The following MALRD1 variants were observed in gnomAD, a reference collection of about 807,000 sequenced individuals.
The protein encoded by MALRD1 is MAM and LDL receptor class A domain containing 1.
MALRD1 carries 247 observed loss-of-function variants against 242.1 expected under a neutral mutation model. The ratio of observed to expected loss-of-function variants is 1.02; its 90% CI spans 0.92 to 1.13. MALRD1 has a LOEUF of 1.13. Ranked by LOEUF, MALRD1 falls within the 50% of genes most tolerant of loss-of-function variation. The pLI is 0.00. For synonymous variants in MALRD1, 995 were observed against 866.6 expected, an observed-to-expected ratio of 1.15 and a Z score of -2.60; for missense variants, 2,989 against 2,533.1, an observed-to-expected ratio of 1.18 and a Z score of -3.86.
intron 28 of MALRD1, among the ~76,000 whole-genome samples, chr10:19,442,472 T>C (rs1417832766): frequency 6.6e-6 from 1 of 152,198 alleles, no homozygotes; most frequent in Non-Finnish European, 1.5e-5. Context: ...AAACAGCTCT[T>C]ATTATTTTGA....
intron 28 of MALRD1, among the ~76,000 whole-genome samples, chr10:19,438,540 A>G (rs1834453789): frequency 6.6e-6 from 1 of 152,214 alleles, no homozygotes; most frequent in Non-Finnish European, 1.5e-5. Flanking sequence ...GATGGATCAC[A>G]TAGTAATTCC....
At chr10:19,498,931 G>A (rs1449433689) in intron 31 of MALRD1, among the ~76,000 whole-genome samples, 2 of 152,064 alleles carry the variant, frequency 1.3e-5, no homozygotes, top group African/African-American at 4.8e-5. Context: ...ATTGGAGGAG[G>A]GTAGGTGGGT....
intron 18 of MALRD1, among the ~76,000 whole-genome samples, chr10:19,248,148 A>G (rs1839144136): frequency 6.6e-6 from 1 of 152,086 alleles, no homozygotes; most frequent in Non-Finnish European, 1.5e-5. Flanking sequence ...CAGGTTGTTT[A>G]CATACTAAGG....
At chr10:19,525,890 AG>A (rs1220491771) in intron 31 of MALRD1, among the ~76,000 whole-genome samples, 1 of 152,184 alleles carries the variant, frequency 6.6e-6, no homozygotes, top group African/African-American at 2.4e-5. Context: ...TGAAATGGCA[AG>A]TAGTAAGCTG....
chr10:19,569,427 A>G (rs543140256), intron 33 of MALRD1, among the ~76,000 whole-genome samples: 1 of 151,690 alleles, frequency 6.6e-6, no homozygotes, highest in Non-Finnish European at 1.5e-5. Flanking sequence ...TCACCTCCAA[A>G]TGGGCCTTCA....
intron 18 of MALRD1, among the ~76,000 whole-genome samples, chr10:19,255,567 A>G (rs888715626): frequency 2.6e-5 from 4 of 152,074 alleles, no homozygotes; most frequent in African/African-American, 9.7e-5. Flanking sequence ...TCTTTTAAAA[A>G]TGCTTTTCTT....
chr10:19,518,509 A>T (rs934434735), intron 31 of MALRD1, among the ~76,000 whole-genome samples: 1 of 152,192 alleles, frequency 6.6e-6, no homozygotes, highest in Non-Finnish European at 1.5e-5. Context: ...CAGAGTCTCT[A>T]CTGACCTGTG....
At chr10:19,305,308 T>C (rs988068245) in intron 21 of MALRD1, among the ~76,000 whole-genome samples, 1 of 151,652 alleles carries the variant, frequency 6.6e-6, no homozygotes, top group Admixed American at 6.6e-5. Flanking sequence ...TAGAAAATAC[T>C]TTTCAAAAAT....
At chr10:19,274,388 C>T (rs1292513409) in intron 19 of MALRD1, among the ~76,000 whole-genome samples, 1 of 152,122 alleles carries the variant, frequency 6.6e-6, no homozygotes, top group Non-Finnish European at 1.5e-5. Context: ...CAACCCCCAA[C>T]GTGATGGTAT....
At chr10:19,726,100 A>G (rs1234562767) in intron 38 of MALRD1, among the ~76,000 whole-genome samples, 1 of 152,220 alleles carries the variant, frequency 6.6e-6, no homozygotes, top group Non-Finnish European at 1.5e-5. Flanking sequence ...AAATAAGTAA[A>G]TTGGACTTTA....
intron 14 of MALRD1, among the ~76,000 whole-genome samples, chr10:19,193,577 G>C (rs866746937): frequency 1.3e-5 from 2 of 151,854 alleles, no homozygotes; most frequent in African/African-American, 4.8e-5. Flanking sequence ...AAAGAAAAAT[G>C]GAATTATTAA....
At chr10:19,342,348 A>T (rs908620654) in intron 24 of MALRD1, among the ~76,000 whole-genome samples, 3 of 152,098 alleles carry the variant, frequency 2.0e-5, no homozygotes, top group African/African-American at 7.2e-5. Context: ...ATTATCTGAC[A>T]TATTACTACC....
At chr10:19,335,003 T>G (rs901223805) in intron 24 of MALRD1, among the ~76,000 whole-genome samples, 5 of 152,082 alleles carry the variant, frequency 3.3e-5, no homozygotes, top group African/African-American at 1.2e-4. Context: ...TTCTAGGAAT[T>G]TCTCTCTGTA....
chr10:19,730,393 A>G (rs1835239793), intron 38 of MALRD1, among the ~76,000 whole-genome samples: 1 of 152,178 alleles, frequency 6.6e-6, no homozygotes, highest in Non-Finnish European at 1.5e-5. Context: ...AATGTTGGAC[A>G]CTTTGCACTG....
chr10:19,723,702 A>G (rs1048627329), intron 38 of MALRD1, among the ~76,000 whole-genome samples: 12 of 151,346 alleles, frequency 7.9e-5, no homozygotes, highest in Non-Finnish European at 1.8e-4. Context: ...TGATCACACC[A>G]CTGTAAACCA....
chr10:19,598,924 T>A (rs1230683941), intron 34 of MALRD1, among the ~76,000 whole-genome samples: 1 of 152,100 alleles, frequency 6.6e-6, no homozygotes, highest in African/African-American at 2.4e-5. Context: ...ATCAAAATAT[T>A]CACAGGTTGA....
At chr10:19,272,753 A>G (rs76501406) in intron 19 of MALRD1, among the ~76,000 whole-genome samples, 5 of 151,442 alleles carry the variant, frequency 3.3e-5, no homozygotes, top group Admixed American at 6.6e-5. Context: ...TTGTTGTTCA[A>G]CTCCCACTGT....
intron 28 of MALRD1, among the ~76,000 whole-genome samples, chr10:19,432,213 C>A (rs967668225): frequency 1.8e-4 from 28 of 152,102 alleles, no homozygotes; most frequent in African/African-American, 5.3e-4. Context: ...CTGTTATAGA[C>A]AATGCTTACT....
rs774214227 is a variant in MALRD1 at position 19,216,381 on chromosome 10, G to T, written c.2991+6701G>T. ...TCTGCCTGACTCGGCCTCCCAAAGC[G>T]CTGGGATTAAGGCATGAGCCACTAT... On this transcript the variant is annotated intron_variant, in intron 18 of 39. Coordinates refer to ENST00000454679, the MANE Select transcript of MALRD1 (RefSeq NM_001142308.3). 2.0e-5 allele frequency among the ~76,000 whole-genome samples: 3 copies of T among 151,734 alleles called. No individual in the cohort carries two copies. In the East Asian group the frequency reaches 5.9e-4, roughly 30 times the overall value.
Sources: allele counts gnomAD v4.1 joint callset (sites outside exome capture counted in the v4.1 genomes callset), GRCh38; gene constraint gnomAD v4.1.1; transcripts MANE v1.5; gene names NCBI Gene and HGNC (gene_info 2026-07-23, HGNC 2026-07-21).